Variants in CELF4 observed in about 807,000 individuals in gnomAD.
CELF4 encodes CUGBP Elav-like family member 4.
CELF4 carries 18 observed loss-of-function variants against 59.9 expected under a neutral mutation model. That is an observed-to-expected ratio of 0.30 (90% CI 0.21 to 0.45). The LOEUF is 0.45. Among genes scored for constraint, CELF4 ranks in the 20% least tolerant of loss-of-function variants. The pLI is 1.00. For missense variants in CELF4, 456 were observed against 689.0 expected (o/e 0.66, Z 3.79); for synonymous variants, 261 against 267.1 (o/e 0.98, Z 0.22).
intron 2 of CELF4, among the ~76,000 whole-genome samples, chr18:37,470,799 C>T (rs1157176559): frequency 1.4e-5 from 2 of 147,582 alleles, no homozygotes; most frequent in Non-Finnish European, 3.0e-5. Flanking sequence ...GCATTTGCAA[C>T]ACATGGATCC....
intron 1 of CELF4, among the ~76,000 whole-genome samples, chr18:37,543,881 G>A (rs2099979453): frequency 6.6e-6 from 1 of 152,234 alleles, no homozygotes; most frequent in Non-Finnish European, 1.5e-5. Flanking sequence ...TGGGCAGGGA[G>A]GCTGAAGCTC....
chr18:37,440,846 A>G (rs1046049049), intron 2 of CELF4, among the ~76,000 whole-genome samples: 1 of 152,152 alleles, frequency 6.6e-6, no homozygotes, highest in Non-Finnish European at 1.5e-5. Flanking sequence ...AGGACCTTGG[A>G]CAAACTACAG....
intron 1 of CELF4, among the ~76,000 whole-genome samples, chr18:37,535,170 C>T (rs972346184): frequency 2.6e-5 from 4 of 152,186 alleles, no homozygotes; most frequent in Admixed American, 2.0e-4. Flanking sequence ...GAAATCCTCC[C>T]TGACTATGGA....
At chr18:37,348,527 G>A (rs2098349581) in intron 2 of CELF4, among the ~76,000 whole-genome samples, 1 of 152,116 alleles carries the variant, frequency 6.6e-6, no homozygotes, top group Non-Finnish European at 1.5e-5. Context: ...GGGCTCAAGT[G>A]GGATCTTCCA....
chr18:37,497,368 T>C (rs2099926315), intron 1 of CELF4, among the ~76,000 whole-genome samples: 2 of 152,270 alleles, frequency 1.3e-5, no homozygotes, highest in South Asian at 2.1e-4. Flanking sequence ...AAAGAGACAA[T>C]TGGTGCTGGG....
At chr18:37,562,129 C>T in intron 1 of CELF4, among the ~76,000 whole-genome samples, 1 of 152,176 alleles carries the variant, frequency 6.6e-6, no homozygotes, top group Admixed American at 6.5e-5. Flanking sequence ...TTTGCTGCCT[C>T]CCCAGCCCAA....
At chr18:37,284,279 A>C (rs897332871) in intron 3 of CELF4, among the ~76,000 whole-genome samples, 4 of 150,462 alleles carry the variant, frequency 2.7e-5, no homozygotes, top group African/African-American at 9.8e-5. Flanking sequence ...ATACAGACAT[A>C]ACACACACAG....
chr18:37,518,314 A>G (rs1259546514), intron 1 of CELF4, among the ~76,000 whole-genome samples: 12 of 152,210 alleles, frequency 7.9e-5, no homozygotes, highest in Admixed American at 7.9e-4. Context: ...TATAAATTCC[A>G]ATTAGCAGAC....
chr18:37,565,701 G>GCTCA lies in CELF4; in HGVS notation c.-61_-60insTGAG, dbSNP rs1356001989. On this transcript the variant is annotated 5_prime_UTR_variant, in exon 1 of 13. Transcript: ENST00000420428. Reference sequence around the variant, plus strand: ...TCACACTCTCTCGCTCCTCTCTCTCGCTCGCTCGCGCTCACACACGCACAC... The same window carrying GCTCA: ...TCACACTCTCTCGCTCCTCTCTCTCGCTCACTCGCTCGCGCTCACACACGCACAC... 10 of 1,456,130 alleles carry GCTCA rather than the reference G, an allele frequency of 6.9e-6. No homozygotes were observed. Among genetic ancestry groups the GCTCA allele is most frequent in the Admixed American group, 2.2e-5 (1 of 45,862 alleles). The allele number at this position is 1,456,130 out of a possible 1,614,324, so 90.2% of individuals were successfully genotyped here. A position where few individuals can be genotyped will look rare whatever the true frequency, so the allele number is the denominator to read the frequency against.
At chr18:37,417,175 G>A (rs929073174) in intron 2 of CELF4, among the ~76,000 whole-genome samples, 9 of 152,154 alleles carry the variant, frequency 5.9e-5, no homozygotes, top group African/African-American at 9.7e-5. Context: ...TATAGTTTAC[G>A]GACAGGGAGA....
chr18:37,400,863 G>A (rs890833017), intron 2 of CELF4, among the ~76,000 whole-genome samples: 18 of 152,338 alleles, frequency 1.2e-4, no homozygotes, highest in South Asian at 2.1e-4. Context: ...AGATGGAGAC[G>A]CCTGAATTAT....
intron 1 of CELF4, among the ~76,000 whole-genome samples, chr18:37,544,152 CTTT>C (rs5824075): frequency 0.032 from 4,352 of 137,904 alleles, 74 homozygotes; most frequent in Middle Eastern, 0.11. Context: ...CTTTTACTTC[CTTT>C]TTTTTTTTTT....
At chr18:37,296,965 G>A (rs2095682295) in intron 3 of CELF4, among the ~76,000 whole-genome samples, 1 of 152,164 alleles carries the variant, frequency 6.6e-6, no homozygotes, top group African/African-American at 2.4e-5. Flanking sequence ...GCCAGGTGAG[G>A]AACACACCAG....
intron 2 of CELF4, among the ~76,000 whole-genome samples, chr18:37,334,939 A>G (rs1569565783): frequency 1.3e-5 from 2 of 151,920 alleles, no homozygotes; most frequent in South Asian, 2.1e-4. Flanking sequence ...TGGCACCGAC[A>G]TTTGCTTTTT....
At chr18:37,459,583 CAT>C (rs2099788062) in intron 2 of CELF4, among the ~76,000 whole-genome samples, 1 of 152,098 alleles carries the variant, frequency 6.6e-6, no homozygotes, top group African/African-American at 2.4e-5. Flanking sequence ...TTGGGTCACA[CAT>C]GAGCTCAACT....
intron 1 of CELF4, among the ~76,000 whole-genome samples, chr18:37,492,902 C>T (rs1382400200): frequency 6.6e-6 from 1 of 152,120 alleles, no homozygotes; most frequent in Non-Finnish European, 1.5e-5. Context: ...GGGAAAAAGA[C>T]CCCATGGGTC....
chr18:37,349,723 A>G (rs2098398628), intron 2 of CELF4, among the ~76,000 whole-genome samples: 1 of 152,276 alleles, frequency 6.6e-6, no homozygotes, highest in African/African-American at 2.4e-5. Context: ...GTGAGTGACC[A>G]AGGATGTGCT....
intron 2 of CELF4, among the ~76,000 whole-genome samples, chr18:37,380,393 T>C (rs553057883): frequency 1.3e-5 from 2 of 152,310 alleles, no homozygotes; most frequent in East Asian, 3.9e-4. Context: ...CATTCTCATG[T>C]CTTTGCCCAA....
chr18:37,286,949 T>C (rs1206398934), intron 3 of CELF4, among the ~76,000 whole-genome samples: 1 of 152,112 alleles, frequency 6.6e-6, no homozygotes, highest in Non-Finnish European at 1.5e-5. Context: ...AACGTTGTCT[T>C]ATGTGCCTCC....
Sources: gnomAD v4.1 joint callset for allele counts (sites outside exome capture counted in the v4.1 genomes callset) on GRCh38, gnomAD v4.1.1 for gene constraint, MANE v1.5 for transcripts, NCBI Gene and HGNC (gene_info 2026-07-23, HGNC 2026-07-21) for gene names.